RBM27: variants seen among roughly 807,000 people sequenced by gnomAD.
RBM27 encodes RNA-binding protein 27.
A neutral mutation model predicts 135.3 loss-of-function variants in RBM27; 22 were observed. That is an observed-to-expected ratio of 0.16 (90% CI 0.12 to 0.23). The LOEUF (loss-of-function observed/expected upper bound fraction) is 0.23, where lower values mean the gene tolerates loss of function less well. Among genes scored for constraint, RBM27 ranks in the 10% least tolerant of loss-of-function variants. RBM27 has a pLI of 1.00. For missense variants in RBM27, 1,009 were observed against 1,281.0 expected (o/e 0.79, Z 3.24); for synonymous variants, 481 against 442.4 (o/e 1.09, Z -1.10).
At chr5:146,238,124 A>T (rs1220915481) in intron 8 of RBM27, among the ~76,000 whole-genome samples, 2 of 152,240 alleles carry the variant, frequency 1.3e-5, no homozygotes, top group African/African-American at 4.8e-5. Flanking sequence ...CTAATAATTA[A>T]CTTGCATACT....
At chr5:146,244,065 A>G (rs956123830) in intron 8 of RBM27, among the ~76,000 whole-genome samples, 2 of 152,206 alleles carry the variant, frequency 1.3e-5, no homozygotes, top group Non-Finnish European at 2.9e-5. Context: ...TAACAAAGGA[A>G]CTAATTCTGT....
chr5:146,211,512 G>A (rs74716329), intron 1 of RBM27, among the ~76,000 whole-genome samples: 3 of 81,912 alleles, frequency 3.7e-5, no homozygotes, highest in South Asian at 7.6e-4. Context: ...GAGGAGTTTC[G>A]CTCTTGTTGC....
At chr5:146,251,455 C>G (rs1359133404) in intron 8 of RBM27, among the ~76,000 whole-genome samples, 2 of 152,164 alleles carry the variant, frequency 1.3e-5, no homozygotes, top group Non-Finnish European at 2.9e-5. Context: ...TAGTTTTCTC[C>G]ACTTAAGATC....
chr5:146,248,622 C>T (rs974184273), intron 8 of RBM27, among the ~76,000 whole-genome samples: 3 of 152,118 alleles, frequency 2.0e-5, no homozygotes, highest in Non-Finnish European at 4.4e-5. Context: ...TGCACCACTA[C>T]GCCTGGCTAA....
At chr5:146,249,213 G>C (rs1757774828) in intron 8 of RBM27, among the ~76,000 whole-genome samples, 1 of 151,918 alleles carries the variant, frequency 6.6e-6, no homozygotes, top group African/African-American at 2.4e-5. Context: ...AAACTCCTGA[G>C]CTCAAGTAAT....
Position 146,285,998 on chromosome 5 carries a change from G to GATGAAT in RBM27, c.3156_3161dup (p.Tyr1053_Glu1054dup). The GATGAAT allele has an allele frequency of 6.2e-7, 1 of 1,612,390 alleles. No individual in the cohort carries two copies. Among genetic ancestry groups the GATGAAT allele is most frequent in the South Asian group, 1.1e-5 (1 of 90,870 alleles). On this transcript the variant is annotated inframe_insertion, in exon 21 of 21. Transcript: ENST00000265271. ...GCCTGATGATGACGATGAAGATGAA[G>GATGAAT]ATGAATATGAGTCTCGCTCATGGCG...
At chr5:146,254,137 GTGTATGTGAAAATT>G (rs1340868058) in intron 9 of RBM27, among the ~76,000 whole-genome samples, 4 of 152,142 alleles carry the variant, frequency 2.6e-5, no homozygotes, top group Non-Finnish European at 4.4e-5. Flanking sequence ...TATGGTGTTT[GTGTATGTGAAAATT>G]TGTATTAACA....
At chr5:146,281,932 G>A (rs908110602) in intron 19 of RBM27, among the ~76,000 whole-genome samples, 2 of 149,616 alleles carry the variant, frequency 1.3e-5, no homozygotes, top group African/African-American at 2.5e-5. Flanking sequence ...GTTTTTACAT[G>A]TAACATTAAT....
chr5:146,226,250 TTA>T (rs1273124547), intron 3 of RBM27, among the ~76,000 whole-genome samples: 1 of 152,176 alleles, frequency 6.6e-6, no homozygotes, highest in African/African-American at 2.4e-5. Context: ...ATGGTATAGA[TTA>T]TGTTTTTTAT....
chr5:146,274,222 CT>C (rs202106156), intron 19 of RBM27, among the ~76,000 whole-genome samples: 82 of 143,258 alleles, frequency 5.7e-4, no homozygotes, highest in East Asian at 1.0e-3. Context: ...ACACATACTC[CT>C]TTTTTTTTTT....
chr5:146,225,949 A>G (rs753334164), intron 3 of RBM27, among the ~76,000 whole-genome samples: 12 of 149,626 alleles, frequency 8.0e-5, no homozygotes, highest in Non-Finnish European at 1.8e-4. Context: ...TGCAACCTCT[A>G]CCTTTCAGGT....
chr5:146,232,896 G>A (rs1173836897), intron 6 of RBM27, among the ~76,000 whole-genome samples: 2 of 152,072 alleles, frequency 1.3e-5, no homozygotes, highest in Non-Finnish European at 2.9e-5. Flanking sequence ...ATGTACAAAC[G>A]TGTTTAACTT....
chr5:146,204,767 A>C (rs76221375), intron 1 of RBM27, among the ~76,000 whole-genome samples: 1 of 152,170 alleles, frequency 6.6e-6, no homozygotes, highest in Non-Finnish European at 1.5e-5. Flanking sequence ...AGGACACCTG[A>C]AGATAATTGG....
At chr5:146,254,237 T>C (rs895362602) in intron 9 of RBM27, among the ~76,000 whole-genome samples, 12 of 152,266 alleles carry the variant, frequency 7.9e-5, no homozygotes, top group African/African-American at 2.9e-4. Context: ...GGCAGGTGGC[T>C]GAAGCCCAGG....
chr5:146,259,865 C>T (rs1400698187), intron 11 of RBM27, among the ~76,000 whole-genome samples: 3 of 147,070 alleles, frequency 2.0e-5, no homozygotes, highest in Non-Finnish European at 3.0e-5. Context: ...CCCAGCTACT[C>T]GGGAGGCTGA....
At chr5:146,223,028 A>G (rs1756523227) in intron 2 of RBM27, among the ~76,000 whole-genome samples, 1 of 152,202 alleles carries the variant, frequency 6.6e-6, no homozygotes, top group East Asian at 1.9e-4. Flanking sequence ...AGATAGAAAC[A>G]CATATAAATA....
intron 1 of RBM27, among the ~76,000 whole-genome samples, chr5:146,215,424 T>A (rs915817781): frequency 2.0e-5 from 3 of 152,194 alleles, no homozygotes; most frequent in African/African-American, 7.2e-5. Flanking sequence ...ATATAGAAAC[T>A]TTATTATCCA....
intron 4 of RBM27, 131 bp from the exon 5 acceptor site, chr5:146,229,586 G>A (rs1339105201): frequency 1.4e-6 from 1 of 712,230 alleles, no homozygotes; most frequent in African/African-American, 1.8e-5. Context: ...GAATTATGTG[G>A]TAGATTTGCA....
At chr5:146,252,483 C>G (rs1581201875) in intron 9 of RBM27, among the ~76,000 whole-genome samples, 1 of 152,194 alleles carries the variant, frequency 6.6e-6, no homozygotes, top group African/African-American at 2.4e-5. Context: ...TGTGTATTCC[C>G]AGGATTTATG....
Sources: allele counts gnomAD v4.1 joint callset (sites outside exome capture counted in the v4.1 genomes callset), GRCh38; gene constraint gnomAD v4.1.1; transcripts MANE v1.5; gene names NCBI Gene and HGNC (gene_info 2026-07-23, HGNC 2026-07-21).